Variants in KLF3 observed in about 807,000 individuals in gnomAD.
The protein encoded by KLF3 is Krueppel-like factor 3.
A neutral mutation model predicts 32.7 loss-of-function variants in KLF3; 6 were observed. The ratio of observed to expected loss-of-function variants is 0.18; its 90% CI spans 0.10 to 0.36. The LOEUF (loss-of-function observed/expected upper bound fraction) is 0.36. Ranked by LOEUF, KLF3 falls within the 10% of genes least tolerant of loss-of-function variation. KLF3 has a pLI of 1.00. For synonymous variants in KLF3, 145 were observed against 172.8 expected (o/e 0.84, Z 1.26); for missense variants, 338 against 449.7 (o/e 0.75, Z 2.25).
intron 2 of KLF3, among the ~76,000 whole-genome samples, chr4:38,682,612 G>C (rs1229059229): frequency 6.6e-6 from 1 of 152,032 alleles, no homozygotes; most frequent in African/African-American, 2.4e-5. Context: ...TGAACATAAG[G>C]CTCAAGAGTC....
intron 5 of KLF3, among the ~76,000 whole-genome samples, chr4:38,695,130 C>T (rs1179564079): frequency 1.3e-5 from 2 of 152,230 alleles, no homozygotes; most frequent in Admixed American, 1.3e-4. Context: ...AGGCCACTCA[C>T]AATCACTTGC....
At position 38,697,064 on chromosome 4, in the gene KLF3, T is replaced by C. The variant is rs777118959; in HGVS notation, c.857-18T>C. On this transcript the variant is annotated intron_variant, in intron 5 of 5. Transcript: ENST00000261438. Reference sequence around the variant, plus strand: ...TTTACAGAAAAAAAAAATAGCTCTTTTCTTTTTCCTTTTGCAGGAGAAAAA... The same window carrying C: ...TTTACAGAAAAAAAAAATAGCTCTTCTCTTTTTCCTTTTGCAGGAGAAAAA... The C allele has an allele frequency of 3.0e-5, 47 of 1,560,006 alleles. No homozygotes were observed. Among genetic ancestry groups the C allele is most frequent in the Non-Finnish European group, 3.9e-5 (45 of 1,154,482 alleles).
At position 38,701,259 on chromosome 4, in the gene KLF3, A is replaced by G. The variant is rs1228758248; in HGVS notation, c.*3996A>G. Among the ~76,000 whole-genome samples, 2 of 152,224 alleles carry G rather than the reference A, an allele frequency of 1.3e-5. No individual in the cohort carries two copies. The highest frequency in any genetic ancestry group is 4.8e-5 in the African/African-American group (2 of 41,460). ...GAAAACAGCCAACAGGAAGTCTCCT[A>G]GGCTGAAATCATAAAACTGCAGACA... On this transcript the variant is annotated 3_prime_UTR_variant, in exon 6 of 6. Transcript: ENST00000261438.
chr4:38,699,925 T>C lies in KLF3; in HGVS notation c.*2662T>C, dbSNP rs1030908511. On this transcript the variant is annotated 3_prime_UTR_variant, in exon 6 of 6. Transcript: ENST00000261438. Reference sequence around the variant, plus strand: ...ATACAAGATTAGATGCCCTTGAACATGTTTTAATGATGTGTGTCATGTTAC... The same window carrying C: ...ATACAAGATTAGATGCCCTTGAACACGTTTTAATGATGTGTGTCATGTTAC... 6.6e-6 allele frequency: 1 copy of C among 152,252 alleles called. No individual in the cohort carries two copies. Among genetic ancestry groups the C allele is most frequent in the East Asian group, 1.9e-4 (1 of 5,206 alleles). 9.4% of individuals were successfully genotyped at this position (152,252 alleles called of 1,614,324 possible).
rs753425818 is a variant in KLF3, at chr4:38,689,080, C to T, written c.544+9C>T. On this transcript the variant is annotated intron_variant, in intron 3 of 5. Coordinates refer to ENST00000261438, the MANE Select transcript of KLF3 (RefSeq NM_016531.6). ...CAGTAGTAGCATGCAAGGTAAATTC[C>T]GCCACTGCTCCATGCTGCTGCACTT... The T allele has an allele frequency of 4.3e-5, 70 of 1,611,502 alleles. No individual in the cohort carries two copies. In the East Asian group the frequency reaches 5.1e-4, roughly 12 times the overall value.
chr4:38,689,944 G>C, intron 4 of KLF3, 65 bp downstream of exon 4: 1 of 1,506,254 alleles, frequency 6.6e-7, no homozygotes, highest in Non-Finnish European at 9.0e-7. Context: ...TGGAGCAGAA[G>C]CACAAGATTT....
chr4:38,697,066 C>A lies in KLF3; in HGVS notation c.857-16C>A. 1.3e-6 allele frequency: 2 copies of A among 1,555,474 alleles called. No individual in the cohort carries two copies. The highest frequency in any genetic ancestry group is 1.7e-6 in the Non-Finnish European group (2 of 1,151,626). Reference sequence around the variant, plus strand: ...TACAGAAAAAAAAAATAGCTCTTTTCTTTTTCCTTTTGCAGGAGAAAAACC... The same window carrying A: ...TACAGAAAAAAAAAATAGCTCTTTTATTTTTCCTTTTGCAGGAGAAAAACC... On this transcript the variant is annotated splice_polypyrimidine_tract_variant and intron_variant, in intron 5 of 5. Transcript: ENST00000261438.
chr4:38,697,340 C>G lies in KLF3; in HGVS notation c.*77C>G, dbSNP rs1723071134. ...CTGTCCTGCCTCCCATTATCTAACA[C>G]ATTTTTTACATGTACATTTTAATTT... is the stretch of plus-strand genomic sequence containing the variant. On this transcript the variant is annotated 3_prime_UTR_variant, in exon 6 of 6. Coordinates refer to ENST00000261438, the MANE Select transcript of KLF3 (RefSeq NM_016531.6). The G allele has an allele frequency of 7.9e-7, 1 of 1,260,980 alleles. No homozygotes were observed. 78.1% of individuals were successfully genotyped at this position (1,260,980 alleles called of 1,614,324 possible).
intron 2 of KLF3, chr4:38,681,019 A>G (rs1284176640): frequency 1.2e-5 from 2 of 161,522 alleles, no homozygotes; most frequent in Non-Finnish European, 2.7e-5. Context: ...AGATCGCACC[A>G]TTGCACTCCA....
intron 1 of KLF3, among the ~76,000 whole-genome samples, chr4:38,665,490 A>G (rs1386064533): frequency 6.6e-6 from 1 of 152,210 alleles, no homozygotes; most frequent in East Asian, 1.9e-4. Context: ...ATAATACTAG[A>G]AGAATGTGAA....
chr4:38,676,562 C>T (rs77063511), intron 1 of KLF3, among the ~76,000 whole-genome samples: 5,338 of 152,270 alleles, frequency 0.035, 270 homozygotes, highest in African/African-American at 0.11. Context: ...TGGTTCCAGA[C>T]GTTTTCTTTG....
intron 1 of KLF3, among the ~76,000 whole-genome samples, chr4:38,668,865 A>G (rs940899441): frequency 1.3e-5 from 2 of 152,244 alleles, no homozygotes; most frequent in Admixed American, 6.5e-5. Flanking sequence ...AAGCTTCTAA[A>G]TGCTAAGCTG....
chr4:38,699,665 A>G lies in KLF3; in HGVS notation c.*2402A>G, dbSNP rs1723147380. 6.6e-6 allele frequency: 1 copy of G among 152,266 alleles called. No individual in the cohort carries two copies. The highest frequency in any genetic ancestry group is 1.5e-5 in the Non-Finnish European group (1 of 68,042). The allele number at this position is 152,266 out of a possible 1,614,324, so 9.4% of individuals were successfully genotyped here. ...AAGCAAGACCTTGCAAAGACTCTTA[A>G]CATTACTGTTCAGCTTGCTTAGATT... On this transcript the variant is annotated 3_prime_UTR_variant, in exon 6 of 6. Transcript: ENST00000261438.
chr4:38,665,089 T>C (rs1284194486), intron 1 of KLF3, among the ~76,000 whole-genome samples: 1 of 150,962 alleles, frequency 6.6e-6, no homozygotes, highest in Non-Finnish European at 1.5e-5. Flanking sequence ...GAAAGAAACT[T>C]AGGGCAATTG....
At chr4:38,689,196 C>T in intron 3 of KLF3, 125 bp downstream of exon 3, 3 of 1,211,158 alleles carry the variant, frequency 2.5e-6, no homozygotes, top group African/African-American at 1.5e-5. Flanking sequence ...ACTCATCTGC[C>T]TAAGGCATTT....
chr4:38,674,931 CT>C lies in KLF3; in HGVS notation c.-39-5655del, dbSNP rs1464747346. On this transcript the variant is annotated intron_variant, in intron 1 of 5. Coordinates refer to ENST00000261438, the MANE Select transcript of KLF3 (RefSeq NM_016531.6). This position sits in a 1 kb window ranked among gnomAD's most constrained non-coding sequence, Gnocchi z 4.1. The stretch of plus-strand genomic sequence containing the variant: ...CTTTCAGAGGAGGTTTAGTAACCCC[CT>C]AACCTCGTCTTCCATGAAGGACTGT... Among the ~76,000 whole-genome samples the C allele has an allele frequency of 1.3e-5, 2 of 152,124 alleles. No homozygotes were observed. The highest frequency in any genetic ancestry group is 2.4e-5 in the African/African-American group (1 of 41,400).
chr4:38,698,472 A>G lies in KLF3; in HGVS notation c.*1209A>G, dbSNP rs1382354039. ...GCTAATGCTTTAATGGATTGATTCA[A>G]TTAAGACCTGAGTGACACTATTTGT... On this transcript the variant is annotated 3_prime_UTR_variant, in exon 6 of 6. Transcript: ENST00000261438. The G allele has an allele frequency of 2.0e-5, 3 of 152,702 alleles. No individual in the cohort carries two copies. The highest frequency in any genetic ancestry group is 2.9e-5 in the Non-Finnish European group (2 of 68,050). The allele number at this position is 152,702 out of a possible 1,614,324, so 9.5% of individuals were successfully genotyped here.
At position 38,688,463 on chromosome 4, in the gene KLF3, TA is replaced by T; in HGVS notation, c.58-119del. The T allele has an allele frequency of 1.0e-6, 1 of 998,710 alleles. No homozygotes were observed. Among genetic ancestry groups the T allele is most frequent in the Non-Finnish European group, 1.5e-6 (1 of 681,084 alleles). The allele number at this position is 998,710 out of a possible 1,614,324, so 61.9% of individuals were successfully genotyped here. A position where few individuals can be genotyped will look rare whatever the true frequency, so the allele number is the denominator to read the frequency against. Reference sequence around the variant, plus strand: ...TTAAGGTCACATATATATCGAAATCTAAACTATTTTGTAAAGCCCATGTAAT... The same window carrying T: ...TTAAGGTCACATATATATCGAAATCTAACTATTTTGTAAAGCCCATGTAAT... On this transcript the variant is annotated intron_variant, in intron 2 of 5. Coordinates refer to ENST00000261438, the MANE Select transcript of KLF3 (RefSeq NM_016531.6). The surrounding 1 kb of genome is among the most constrained non-coding windows in gnomAD (Gnocchi z 4.9).
intron 2 of KLF3, among the ~76,000 whole-genome samples, chr4:38,687,681 C>G (rs1722742702): frequency 6.6e-6 from 1 of 152,220 alleles, no homozygotes; most frequent in East Asian, 1.9e-4. Context: ...TTGAGCTCCA[C>G]ATTTCCTTAT....
Sources: allele counts gnomAD v4.1 joint callset (sites outside exome capture counted in the v4.1 genomes callset), GRCh38; gene constraint gnomAD v4.1.1; non-coding constraint Gnocchi (gnomAD v3.1); transcripts MANE v1.5; gene names NCBI Gene and HGNC (gene_info 2026-07-23, HGNC 2026-07-21).